LAMA3: variants seen among roughly 807,000 people sequenced by gnomAD.
LAMA3 encodes the protein laminin subunit alpha-3.
Under a neutral mutation model 402.0 loss-of-function variants are expected in LAMA3, and 281 were observed. The observed-to-expected ratio is 0.70, with a 90% CI of 0.63 to 0.77. The LOEUF is 0.77. Ranked by LOEUF, LAMA3 falls within the 30% of genes least tolerant of loss-of-function variation. The pLI, the probability that LAMA3 is intolerant of heterozygous loss-of-function variation, is 0.00. For missense variants in LAMA3, 3,840 were observed against 4,215.5 expected (o/e 0.91, Z 2.47); for synonymous variants, 1,431 against 1,558.4 (o/e 0.92, Z 1.93).
chr18:23,928,372 C>A, intron 63 of LAMA3, 132 bp downstream of exon 63: 1 of 752,388 alleles, frequency 1.3e-6, no homozygotes, highest in East Asian at 2.7e-5. Context: ...ATATACACTC[C>A]CCATGTGCTT....
intron 1 of LAMA3, 36 bp downstream of exon 1, chr18:23,690,013 T>C (rs1287602486): frequency 2.9e-6 from 4 of 1,360,714 alleles, no homozygotes; most frequent in Non-Finnish European, 3.8e-6. Flanking sequence ...TGGGCGCGCC[T>C]TTTCCTTCCC....
At chr18:23,891,546 G>C (rs1338061498) in intron 42 of LAMA3, among the ~76,000 whole-genome samples, 1 of 152,182 alleles carries the variant, frequency 6.6e-6, no homozygotes, top group Admixed American at 6.5e-5. Context: ...TTCTCCAATA[G>C]TAAGTGCCTC....
chr18:23,837,245 G>C (rs2063601825), intron 25 of LAMA3, 156 bp downstream of exon 25: 3 of 656,266 alleles, frequency 4.6e-6, no homozygotes, highest in Non-Finnish European at 8.3e-6. Context: ...AACCTGACTT[G>C]CCTCTTCATT....
chr18:23,869,847 T>C (rs1339657919), intron 37 of LAMA3, among the ~76,000 whole-genome samples: 1 of 152,078 alleles, frequency 6.6e-6, no homozygotes, highest in African/African-American at 2.4e-5. Flanking sequence ...GGTGGGTGGA[T>C]CACGAGGTCA....
chr18:23,904,090 G>A lies in LAMA3; in HGVS notation c.6473+3G>A. The A allele has an allele frequency of 1.2e-6, 2 of 1,613,364 alleles. No homozygotes were observed. The highest frequency in any genetic ancestry group is 1.7e-6 in the Non-Finnish European group (2 of 1,179,984). ...GAGCTGGCAAAGCAGCTGGAAGAGT[G>A]AGTGCATGGCCCAGGAGACCAGAAG... On this transcript the variant is annotated splice_donor_region_variant and intron_variant, in intron 50 of 74. Coordinates refer to ENST00000313654, the MANE Select transcript of LAMA3 (RefSeq NM_198129.4).
At position 23,879,640 on chromosome 18, in the gene LAMA3, G is replaced by A. The variant is rs1017041758; in HGVS notation, c.5113-2296G>A. Among the ~76,000 whole-genome samples the A allele has an allele frequency of 5.9e-5, 9 of 152,232 alleles. No individual in the cohort carries two copies. Among genetic ancestry groups the A allele is most frequent in the East Asian group, 3.8e-4 (2 of 5,202 alleles). ...GAGAGCACGTGCCATGGGAGTGGAC[G>A]TGGGCTTCTGCAGCATTCGTTCATT... On this transcript the variant is annotated intron_variant, in intron 39 of 74. Transcript: ENST00000313654. The surrounding 1 kb of genome is among the most constrained non-coding windows in gnomAD (Gnocchi z 4.2).
At chr18:23,777,896 TTG>T (rs779777003) in intron 11 of LAMA3, among the ~76,000 whole-genome samples, 145 of 152,334 alleles carry the variant, frequency 9.5e-4, no homozygotes, top group Non-Finnish European at 1.8e-3. Context: ...CAGTGGTCTG[TTG>T]TCTTTTTTGA....
chr18:23,741,793 G>T (rs2061567983), intron 2 of LAMA3, among the ~76,000 whole-genome samples: 1 of 152,124 alleles, frequency 6.6e-6, no homozygotes, highest in Non-Finnish European at 1.5e-5. Flanking sequence ...GGACAGCTTG[G>T]CTTCACGTGC....
intron 12 of LAMA3, among the ~76,000 whole-genome samples, chr18:23,787,996 G>A (rs1315815891): frequency 6.6e-6 from 1 of 151,826 alleles, no homozygotes; most frequent in Non-Finnish European, 1.5e-5. Context: ...CATAAATATG[G>A]GGCCTATATC....
intron 23 of LAMA3, among the ~76,000 whole-genome samples, chr18:23,827,880 T>C (rs2063416353): frequency 6.6e-6 from 1 of 152,140 alleles, no homozygotes; most frequent in Non-Finnish European, 1.5e-5. Context: ...CCCCTTAGGC[T>C]AAGCAATTTG....
intron 8 of LAMA3, among the ~76,000 whole-genome samples, chr18:23,771,875 A>G (rs2062206376): frequency 6.6e-6 from 1 of 152,174 alleles, no homozygotes; most frequent in African/African-American, 2.4e-5. Context: ...GGAGCACAAC[A>G]TTTTTGGATT....
intron 1 of LAMA3, among the ~76,000 whole-genome samples, chr18:23,693,172 C>T (rs545852505): frequency 5.9e-5 from 9 of 152,034 alleles, no homozygotes; most frequent in African/African-American, 1.9e-4. Flanking sequence ...GGTGAAACCC[C>T]GTTTCTACTA....
intron 63 of LAMA3, 76 bp from the exon 64 acceptor site, chr18:23,928,549 G>C: frequency 1.5e-6 from 2 of 1,377,944 alleles, no homozygotes; most frequent in South Asian, 2.3e-5. Flanking sequence ...TGAGTAAAGT[G>C]AGATAGGGTA....
intron 8 of LAMA3, among the ~76,000 whole-genome samples, chr18:23,771,012 TA>T (rs142048285): frequency 1.3e-5 from 2 of 151,934 alleles, no homozygotes; most frequent in Admixed American, 6.6e-5. Context: ...AACGGCCATT[TA>T]AAAAAAATAA....
At chr18:23,692,036 C>T (rs1253349321) in intron 1 of LAMA3, among the ~76,000 whole-genome samples, 1 of 152,208 alleles carries the variant, frequency 6.6e-6, no homozygotes, top group Non-Finnish European at 1.5e-5. Flanking sequence ...TTTTAAATAT[C>T]AAGATGGTGA....
At chr18:23,807,490 CTGTGTGTGTATG>C (rs1278363916) in intron 12 of LAMA3, among the ~76,000 whole-genome samples, 2 of 149,304 alleles carry the variant, frequency 1.3e-5, no homozygotes, top group Non-Finnish European at 3.0e-5. Flanking sequence ...GTGTGTGTGT[CTGTGTGTGTATG>C]TGTGTGTAGG....
At chr18:23,713,753 T>G (rs753407663) in intron 1 of LAMA3, among the ~76,000 whole-genome samples, 167 bp from the exon 2 acceptor site, 3 of 152,206 alleles carry the variant, frequency 2.0e-5, no homozygotes, top group African/African-American at 4.8e-5. Flanking sequence ...AAAGCCTTAC[T>G]ACTGTTTCAG....
chr18:23,877,270 C>A (rs1453433386), intron 39 of LAMA3, among the ~76,000 whole-genome samples: 1 of 152,216 alleles, frequency 6.6e-6, no homozygotes, highest in Admixed American at 6.5e-5. Context: ...TCCACTGGAA[C>A]ATGATCTTAT....
rs561323932 is a variant in LAMA3 at position 23,802,010 on chromosome 18, A to G, written c.1604-8356A>G. The stretch of plus-strand genomic sequence containing the variant: ...GAAGAAATACTCACTACAATTACAA[A>G]TACTAATTTCTGTAACAGGTCACAT... On this transcript the variant is annotated intron_variant, in intron 12 of 74. Transcript: ENST00000313654. 2.6e-5 allele frequency among the ~76,000 whole-genome samples: 4 copies of G among 152,362 alleles called. No homozygotes were observed. The South Asian group carries it at 8.3e-4, about 32-fold the overall frequency.
Sources: gnomAD v4.1 joint callset for allele counts (sites outside exome capture counted in the v4.1 genomes callset) on GRCh38, gnomAD v4.1.1 for gene constraint, Gnocchi (gnomAD v3.1) non-coding constraint, MANE v1.5 for transcripts, NCBI Gene and HGNC (gene_info 2026-07-23, HGNC 2026-07-21) for gene names.